Variants in MBD5 observed in about 807,000 individuals in gnomAD.
The protein encoded by MBD5 is methyl-CpG-binding domain protein 5.
In MBD5, 13 loss-of-function variants were observed where a neutral mutation model predicts 117.3. The ratio of observed to expected loss-of-function variants is 0.11; its 90% confidence interval spans 0.07 to 0.18. MBD5 has a LOEUF of 0.18. Among genes scored for constraint, MBD5 ranks in the 10% least tolerant of loss-of-function variants. The pLI is 1.00. For synonymous variants in MBD5, 727 were observed against 766.4 expected, an observed-to-expected ratio of 0.95 and a Z score of 0.85; for missense variants, 1,879 against 2,093.8, an observed-to-expected ratio of 0.90 and a Z score of 2.00.
At chr2:148,070,356 G>A (rs571242633) in intron 1 of MBD5, among the ~76,000 whole-genome samples, 1 of 152,178 alleles carries the variant, frequency 6.6e-6, no homozygotes, top group East Asian at 1.9e-4. Flanking sequence ...TTTGATATTG[G>A]TAGCATGTTT....
intron 1 of MBD5, among the ~76,000 whole-genome samples, chr2:148,152,873 T>C (rs1697727649): frequency 6.6e-6 from 1 of 151,996 alleles, no homozygotes; most frequent in African/African-American, 2.4e-5. Context: ...AGCACACTGA[T>C]GGGTCTTGAC....
intron 4 of MBD5, among the ~76,000 whole-genome samples, chr2:148,409,779 G>A (rs557999503): frequency 3.2e-4 from 49 of 152,248 alleles, no homozygotes; most frequent in African/African-American, 1.1e-3. Flanking sequence ...AATACTATAT[G>A]TGTGATATTT....
intron 2 of MBD5, among the ~76,000 whole-genome samples, chr2:148,195,694 T>C (rs1289559159): frequency 6.6e-6 from 1 of 152,062 alleles, no homozygotes; most frequent in African/African-American, 2.4e-5. Flanking sequence ...TCATCCAGAG[T>C]ATGTTCTCTG....
rs11443189 is a variant in MBD5 at position 148,074,507 on chromosome 2, G to GTTTTTTTTTTTTTGT, written c.-925+52834_-925+52835insTTGTTTTTTTTTTTT. ...TTGTTTTTTTTTTGTTTTTTTTTTTGTTTTTTTTTTTGAGATGGAGTCTTG... is the reference window on the plus strand; with the variant it reads ...TTGTTTTTTTTTTGTTTTTTTTTTTGTTTTTTTTTTTTTGTTTTTTTTTTTTGAGATGGAGTCTTG... On this transcript the variant is annotated intron_variant, in intron 1 of 13. Coordinates refer to ENST00000642680, the MANE Select transcript of MBD5 (RefSeq NM_001378120.1). Among the ~76,000 whole-genome samples the GTTTTTTTTTTTTTGT allele has an allele frequency of 9.8e-3, 1,111 of 113,710 alleles. 34 individuals are homozygous for GTTTTTTTTTTTTTGT. The highest frequency in any genetic ancestry group is 0.027 in the African/African-American group (771 of 28,970). 74.6% of individuals were successfully genotyped at this position (113,710 alleles called of 152,430 possible).
intron 4 of MBD5, among the ~76,000 whole-genome samples, chr2:148,388,328 A>G (rs1704443916): frequency 6.6e-6 from 1 of 152,208 alleles, no homozygotes; most frequent in Non-Finnish European, 1.5e-5. Context: ...TGACTTATAT[A>G]TGAAATCACT....
chr2:148,150,305 T>G (rs1697614534), intron 1 of MBD5, among the ~76,000 whole-genome samples: 1 of 150,514 alleles, frequency 6.6e-6, no homozygotes. Context: ...TCTATATCTC[T>G]GTTTTGGTAC....
chr2:148,327,780 G>A (rs1381708864), intron 3 of MBD5, among the ~76,000 whole-genome samples: 1 of 152,068 alleles, frequency 6.6e-6, no homozygotes, highest in Non-Finnish European at 1.5e-5. Context: ...CTTTGCCTTT[G>A]GTTTGAATGT....
intron 1 of MBD5, among the ~76,000 whole-genome samples, chr2:148,080,737 C>T (rs1235151897): frequency 1.3e-5 from 2 of 151,914 alleles, no homozygotes; most frequent in African/African-American, 4.8e-5. Flanking sequence ...AACATACAAC[C>T]TAGGTCAAAG....
At chr2:148,231,183 C>T (rs1477623465) in intron 2 of MBD5, among the ~76,000 whole-genome samples, 2 of 152,178 alleles carry the variant, frequency 1.3e-5, no homozygotes, top group Non-Finnish European at 2.9e-5. Flanking sequence ...GGCCACAGAA[C>T]ACTTTAGCCT....
intron 1 of MBD5, among the ~76,000 whole-genome samples, chr2:148,131,928 T>C (rs990290484): frequency 6.6e-6 from 1 of 152,188 alleles, no homozygotes; most frequent in Admixed American, 6.5e-5. Context: ...ATGTGTGTGC[T>C]TTTTTGAATG....
At chr2:148,323,265 T>G (rs1395280113) in intron 3 of MBD5, among the ~76,000 whole-genome samples, 1 of 152,164 alleles carries the variant, frequency 6.6e-6, no homozygotes, top group Non-Finnish European at 1.5e-5. Flanking sequence ...TTTGGGTTGG[T>G]TCCAAGTCTT....
chr2:148,489,276 C>A, intron 10 of MBD5, 110 bp from the exon 11 acceptor site: 1 of 1,315,230 alleles, frequency 7.6e-7, no homozygotes. Flanking sequence ...ATATTTCCTT[C>A]CTTGTTAATA....
intron 3 of MBD5, among the ~76,000 whole-genome samples, chr2:148,324,089 T>A (rs2106587936): frequency 6.6e-6 from 1 of 152,352 alleles, no homozygotes; most frequent in South Asian, 2.1e-4. Context: ...GCACCATTTA[T>A]TAAATAGGGA....
chr2:148,368,105 A>G (rs1195173112), intron 4 of MBD5, among the ~76,000 whole-genome samples: 1 of 152,240 alleles, frequency 6.6e-6, no homozygotes, highest in Non-Finnish European at 1.5e-5. Context: ...GACTGGATTA[A>G]GAAAATGTGG....
chr2:148,419,269 A>T (rs992888697), intron 4 of MBD5, among the ~76,000 whole-genome samples: 1 of 152,138 alleles, frequency 6.6e-6, no homozygotes, highest in African/African-American at 2.4e-5. Context: ...CCTGATAACC[A>T]TACAAATTTG....
intron 4 of MBD5, among the ~76,000 whole-genome samples, chr2:148,369,624 T>C (rs956949370): frequency 1.3e-5 from 2 of 152,142 alleles, no homozygotes; most frequent in African/African-American, 4.8e-5. Flanking sequence ...CTTTTCTGTG[T>C]GTTTGAATAT....
intron 2 of MBD5, among the ~76,000 whole-genome samples, chr2:148,227,707 T>A (rs1378537713): frequency 6.6e-6 from 1 of 152,218 alleles, no homozygotes; most frequent in Non-Finnish European, 1.5e-5. Context: ...CCTTGGGCAG[T>A]GTGGCCATTT....
intron 3 of MBD5, among the ~76,000 whole-genome samples, chr2:148,236,258 TG>T (rs1700090293): frequency 6.6e-6 from 1 of 152,158 alleles, no homozygotes; most frequent in East Asian, 1.9e-4. Context: ...CAAAGTAAAT[TG>T]GTTTTCAATT....
chr2:148,477,228 GATTCAAGCTGC>G (rs1025786931), intron 8 of MBD5, among the ~76,000 whole-genome samples: 1 of 152,014 alleles, frequency 6.6e-6, no homozygotes, highest in Non-Finnish European at 1.5e-5. Context: ...CATATTCCAA[GATTCAAGCTGC>G]ATCCCTTCTA....
Sources: gnomAD v4.1 joint callset for allele counts (sites outside exome capture counted in the v4.1 genomes callset) on GRCh38, gnomAD v4.1.1 for gene constraint, MANE v1.5 for transcripts, NCBI Gene and HGNC (gene_info 2026-07-23, HGNC 2026-07-21) for gene names.